Variants in CPS1 observed in about 807,000 individuals in gnomAD.
CPS1 encodes carbamoyl-phosphate synthase 1.
Under a neutral mutation model 174.6 loss-of-function variants are expected in CPS1, and 109 were observed. The ratio of observed to expected loss-of-function variants is 0.62; its 90% CI spans 0.53 to 0.73. The LOEUF is 0.73. Among genes scored for constraint, CPS1 ranks in the 30% least tolerant of loss-of-function variants. CPS1 has a pLI of 0.00. For missense variants in CPS1, 1,689 were observed against 1,821.9 expected (o/e 0.93, Z 1.33); for synonymous variants, 637 against 632.0 (o/e 1.01, Z -0.12).
intron 29 of CPS1, among the ~76,000 whole-genome samples, chr2:210,655,754 A>T (rs1357355579): frequency 6.6e-6 from 1 of 152,194 alleles, no homozygotes; most frequent in African/African-American, 2.4e-5. Context: ...CTCAAATGTC[A>T]CTGTTTTAAG....
intron 1 of CPS1, among the ~76,000 whole-genome samples, chr2:210,518,207 T>G (rs1300442443): frequency 6.6e-6 from 1 of 152,044 alleles, no homozygotes; most frequent in Non-Finnish European, 1.5e-5. Flanking sequence ...AGACTAGATT[T>G]GCAGTGATCT....
chr2:210,543,149 C>G (rs972388326), intron 1 of CPS1, among the ~76,000 whole-genome samples: 1 of 152,148 alleles, frequency 6.6e-6, no homozygotes, highest in Admixed American at 6.6e-5. Flanking sequence ...AAGTAGTGCA[C>G]CCAAGCAGGT....
chr2:210,628,458 G>A (rs1362250087), intron 21 of CPS1, among the ~76,000 whole-genome samples: 5 of 151,806 alleles, frequency 3.3e-5, no homozygotes, highest in African/African-American at 1.2e-4. Context: ...TTTCCTTCAA[G>A]AACTAGAAAA....
At chr2:210,489,512 A>G (rs981987569) in intron 1 of CPS1, among the ~76,000 whole-genome samples, 1 of 152,174 alleles carries the variant, frequency 6.6e-6, no homozygotes, top group Non-Finnish European at 1.5e-5. Context: ...CTAGTTTTAT[A>G]TGTAAGTAGG....
At chr2:210,558,285 T>G (rs912282278) in intron 1 of CPS1, among the ~76,000 whole-genome samples, 4 of 152,006 alleles carry the variant, frequency 2.6e-5, no homozygotes, top group African/African-American at 9.7e-5. Context: ...GTTAAAATCA[T>G]TAGGATGTAG....
At chr2:210,490,059 TGGAAGGAAGAA>T (rs1224812825) in intron 1 of CPS1, among the ~76,000 whole-genome samples, 1 of 133,610 alleles carries the variant, frequency 7.5e-6, no homozygotes, top group Non-Finnish European at 1.7e-5. Context: ...GAAGAAAGGA[TGGAAGGAAGAA>T]GGAAGGAAGG....
chr2:210,605,140 A>G lies in CPS1; in HGVS notation c.1875A>G (p.Ser625=). Reference sequence around the variant, plus strand: ...CCAACCAAATTCTGGTGGAGAAGTCAGTGACAGGTTGGAAAGAAATAGAAT... The same window carrying G: ...CCAACCAAATTCTGGTGGAGAAGTCGGTGACAGGTTGGAAAGAAATAGAAT... ...AMTNQILVEK[S]VTGWKEIEYE... is the part of the protein sequence containing the mutation. Residue 625 remains serine, a synonymous_variant, in exon 17 of 38, where the codon TCA becomes TCG. Coordinates refer to ENST00000233072, the MANE Select transcript of CPS1 (RefSeq NM_001875.5). 6.2e-7 allele frequency: 1 copy of G among 1,612,094 alleles called. No individual in the cohort carries two copies. Among genetic ancestry groups the G allele is most frequent in the Non-Finnish European group, 8.5e-7 (1 of 1,178,744 alleles).
At chr2:210,588,254 G>A in intron 7 of CPS1, 107 bp downstream of exon 7, 1 of 932,784 alleles carries the variant, frequency 1.1e-6, no homozygotes, top group East Asian at 2.5e-5. Flanking sequence ...CAGAATGTCA[G>A]GGGTCTACAT....
intron 21 of CPS1, among the ~76,000 whole-genome samples, chr2:210,634,530 G>C (rs921753745): frequency 6.6e-6 from 1 of 151,786 alleles, no homozygotes; most frequent in Non-Finnish European, 1.5e-5. Flanking sequence ...TGTTTCCAAG[G>C]CTCTCTGAAG....
intron 34 of CPS1, chr2:210,674,586 A>G (rs1241128424): frequency 5.8e-6 from 2 of 346,042 alleles, no homozygotes. Flanking sequence ...CTCCCTGACC[A>G]GGAAAAGGAT....
At chr2:210,633,200 C>T (rs1699923684) in intron 21 of CPS1, among the ~76,000 whole-genome samples, 1 of 151,868 alleles carries the variant, frequency 6.6e-6, no homozygotes, top group South Asian at 2.1e-4. Context: ...TGAAAACTCT[C>T]TGGTGTGGGA....
At chr2:210,484,495 A>T (rs975836394) in intron 1 of CPS1, among the ~76,000 whole-genome samples, 3 of 152,232 alleles carry the variant, frequency 2.0e-5, no homozygotes, top group Admixed American at 6.5e-5. Context: ...TTGAATAAAC[A>T]TAGAAATTGA....
chr2:210,569,234 A>G (rs1415192434), intron 1 of CPS1, among the ~76,000 whole-genome samples: 1 of 152,066 alleles, frequency 6.6e-6, no homozygotes, highest in Non-Finnish European at 1.5e-5. Flanking sequence ...TTAAAAGGTA[A>G]TGAGTATTAT....
chr2:210,501,315 GT>G (rs1428987308), intron 1 of CPS1, among the ~76,000 whole-genome samples: 8 of 152,202 alleles, frequency 5.3e-5, no homozygotes, highest in African/African-American at 1.7e-4. Flanking sequence ...GCAAATTGCT[GT>G]GATAGGCTTG....
At chr2:210,550,324 C>T (rs1441127786) in intron 1 of CPS1, among the ~76,000 whole-genome samples, 1 of 151,912 alleles carries the variant, frequency 6.6e-6, no homozygotes, top group African/African-American at 2.4e-5. Context: ...TTAACCAGGT[C>T]ACTCTTTCCT....
intron 1 of CPS1, among the ~76,000 whole-genome samples, chr2:210,515,345 G>A (rs978509014): frequency 2.5e-5 from 3 of 122,392 alleles, no homozygotes; most frequent in Non-Finnish European, 6.1e-5. Flanking sequence ...TTTTTGGTTG[G>A]TAGGTTTTTT....
rs533038190 is a variant in CPS1 at position 210,576,196 on chromosome 2, T to G, written c.237-150T>G. ...TGGTATAAATTTTTATATTCTGTCATAACATTTCCCCAGGTACGTTAAAAT... is the reference window on the plus strand; with the variant it reads ...TGGTATAAATTTTTATATTCTGTCAGAACATTTCCCCAGGTACGTTAAAAT... On this transcript the variant is annotated intron_variant, in intron 2 of 37. Coordinates refer to ENST00000233072, the MANE Select transcript of CPS1 (RefSeq NM_001875.5). 6 of 916,082 alleles carry G rather than the reference T, an allele frequency of 6.5e-6. No homozygotes were observed. The East Asian group carries it at 1.3e-4, about 19-fold the overall frequency. 56.7% of individuals were successfully genotyped at this position (916,082 alleles called of 1,614,324 possible). A position where few individuals can be genotyped will look rare whatever the true frequency, so the allele number is the denominator to read the frequency against.
At chr2:210,558,645 GACC>G (rs1376484797) in intron 1 of CPS1, among the ~76,000 whole-genome samples, 1 of 151,982 alleles carries the variant, frequency 6.6e-6, no homozygotes, top group Non-Finnish European at 1.5e-5. Flanking sequence ...ATCTTCATCA[GACC>G]CCAGAAACCG....
chr2:210,523,725 A>G (rs1022246155), intron 1 of CPS1, among the ~76,000 whole-genome samples: 2 of 151,988 alleles, frequency 1.3e-5, no homozygotes, highest in African/African-American at 2.4e-5. Context: ...TCTTTATCCA[A>G]TAATCCAAAG....
Sources: gnomAD v4.1 joint callset for allele counts (sites outside exome capture counted in the v4.1 genomes callset) on GRCh38, gnomAD v4.1.1 for gene constraint, MANE v1.5 for transcripts, NCBI Gene and HGNC (gene_info 2026-07-23, HGNC 2026-07-21) for gene names.